The following CFAP47 variants were observed in gnomAD, a reference collection of about 807,000 sequenced individuals.
CFAP47 encodes cilia- and flagella-associated protein 47.
Under a neutral mutation model 148.1 loss-of-function variants are expected in CFAP47, and 29 were observed. The ratio of observed to expected loss-of-function variants is 0.20; its 90% CI spans 0.15 to 0.27. The LOEUF is 0.27. Among genes scored for constraint, CFAP47 ranks in the 10% least tolerant of loss-of-function variants. The pLI is 1.00. For missense variants in CFAP47, 1,872 were observed against 1,697.5 expected (o/e 1.10, Z -1.81); for synonymous variants, 664 against 577.3 (o/e 1.15, Z -2.15).
chrX:36,074,407 G>A (rs765149043), intron 29 of CFAP47, among the ~76,000 whole-genome samples: 7 of 111,689 alleles, frequency 6.3e-5, no homozygotes, highest in Non-Finnish European at 9.4e-5. Context: ...GTTGATTGCT[G>A]AGATATATAC....
chrX:36,053,216 C>T (rs1937528999), intron 26 of CFAP47, among the ~76,000 whole-genome samples: 1 of 111,634 alleles, frequency 9.0e-6, no homozygotes, highest in Non-Finnish European at 1.9e-5. Flanking sequence ...CAGGTAGCTA[C>T]AGGCAACTTT....
At chrX:36,372,323 T>C (rs1941979522) in intron 62 of CFAP47, among the ~76,000 whole-genome samples, 1 of 111,699 alleles carries the variant, frequency 9.0e-6, no homozygotes, top group Non-Finnish European at 1.9e-5. Flanking sequence ...TTTTTGATGA[T>C]TGATAAATTT....
chrX:35,924,467 C>T (rs189421512), intron 1 of CFAP47, among the ~76,000 whole-genome samples: 3 of 101,215 alleles, frequency 3.0e-5, no homozygotes, highest in African/African-American at 1.1e-4. Context: ...ATAGGTGCAC[C>T]TATATGTGTA....
intron 63 of CFAP47, among the ~76,000 whole-genome samples, chrX:36,383,694 G>T (rs1278258514): frequency 1.8e-5 from 2 of 111,059 alleles, no homozygotes; most frequent in Non-Finnish European, 3.8e-5. Context: ...GTATTGTTGT[G>T]CAATACATTC....
chrX:36,230,696 C>A (rs1166071113), intron 46 of CFAP47, among the ~76,000 whole-genome samples: 1 of 109,734 alleles, frequency 9.1e-6, no homozygotes. Context: ...ACGCCTATGT[C>A]CTGAATGGTA....
intron 57 of CFAP47, among the ~76,000 whole-genome samples, chrX:36,347,700 T>C (rs1385592329): frequency 9.0e-6 from 1 of 110,883 alleles, no homozygotes; most frequent in Non-Finnish European, 1.9e-5. Flanking sequence ...AAACACTGCA[T>C]GTTCTCACTC....
chrX:36,114,192 C>T (rs1247690271), intron 33 of CFAP47, among the ~76,000 whole-genome samples: 1 of 111,657 alleles, frequency 9.0e-6, no homozygotes, highest in Non-Finnish European at 1.9e-5. Context: ...TGTTTTTAAG[C>T]TCTATGACGT....
At chrX:36,027,558 GTA>G (rs980950252) in intron 22 of CFAP47, among the ~76,000 whole-genome samples, 4 of 110,831 alleles carry the variant, frequency 3.6e-5, no homozygotes, top group African/African-American at 1.3e-4. Flanking sequence ...TGGTGTGCGT[GTA>G]TGTGTGTGTG....
intron 32 of CFAP47, among the ~76,000 whole-genome samples, chrX:36,100,476 G>A (rs1355269837): frequency 8.9e-6 from 1 of 112,121 alleles, no homozygotes; most frequent in East Asian, 2.8e-4. Flanking sequence ...TTAACATAGC[G>A]TAAATTATAC....
chrX:36,188,575 T>A (rs782210107), intron 40 of CFAP47, 45 bp from the exon 41 acceptor site: 4 of 294,643 alleles, frequency 1.4e-5, no homozygotes, highest in Non-Finnish European at 2.4e-5. Context: ...TGTTTTTGAG[T>A]TTTGTTTGTG....
At chrX:36,049,226 G>A (rs1169680491) in intron 26 of CFAP47, among the ~76,000 whole-genome samples, 1 of 109,370 alleles carries the variant, frequency 9.1e-6, no homozygotes, top group Non-Finnish European at 1.9e-5. Context: ...GGAATCTAAG[G>A]CTCACAGTGT....
chrX:36,220,351 AG>A (rs782350771), intron 45 of CFAP47, among the ~76,000 whole-genome samples: 13 of 110,907 alleles, frequency 1.2e-4, no homozygotes, highest in Non-Finnish European at 2.5e-4. Flanking sequence ...TTCTGGCCCC[AG>A]GCATTTCAGA....
rs781970876 is a variant in CFAP47 at position 36,306,802 on chromosome X, T to C, written c.8113T>C (p.Leu2705=). Residue 2705 remains leucine (L), a synonymous_variant, in exon 55 of 64, where the codon TTA becomes CTA. Transcript: ENST00000378653. The part of the protein sequence containing the change: ...LIISPHSTTE[L]PVLFYPSALG... The stretch of plus-strand genomic sequence containing the variant: ...CATATCTCCTCACTCCACCACAGAA[T>C]TACCTGTTCTCTTTTATCCTTCTGC... 16 of 1,158,061 alleles carry C rather than the reference T, an allele frequency of 1.4e-5. No individual in the cohort carries two copies. The highest frequency in any genetic ancestry group is 1.6e-5 in the Non-Finnish European group (14 of 867,043).
rs6632514 is a variant in CFAP47, at chrX:36,203,867, C to T, written c.6664-1090C>T. 9.8e-3 allele frequency among the ~76,000 whole-genome samples: 1,091 copies of T among 111,774 alleles called. 41 individuals carry two copies. Among genetic ancestry groups the T allele is most frequent in the Admixed American group, 0.081 (849 of 10,482 alleles). The stretch of plus-strand genomic sequence containing the variant: ...CATTATCATTGTAATCATTGAGGAA[C>T]TAAAAATAACAAACCTAGGTAAGAG... On this transcript the variant is annotated intron_variant, in intron 44 of 63. Coordinates refer to ENST00000378653, the MANE Select transcript of CFAP47 (RefSeq NM_001304548.2).
chrX:35,970,550 A>G (rs1569219260), intron 10 of CFAP47, among the ~76,000 whole-genome samples: 1 of 110,518 alleles, frequency 9.0e-6, no homozygotes, highest in Non-Finnish European at 1.9e-5. Flanking sequence ...CTTACAACGG[A>G]TTTTTTTTAT....
chrX:36,230,232 G>A lies in CFAP47; in HGVS notation c.7014+1408G>A, dbSNP rs781889956. Among the ~76,000 whole-genome samples, 12 of 102,040 alleles carry A rather than the reference G, an allele frequency of 1.2e-4. No individual in the cohort carries two copies. The Admixed American group carries it at 1.2e-3, about 10-fold the overall frequency. 88.6% of individuals were successfully genotyped at this position (102,040 alleles called of 115,157 possible). ...ACTAGTTTACAGTCCCACCAACAGTGTAAAAGTGTTCCTATTTCTCCACAT... is the reference window on the plus strand; with the variant it reads ...ACTAGTTTACAGTCCCACCAACAGTATAAAAGTGTTCCTATTTCTCCACAT... On this transcript the variant is annotated intron_variant, in intron 46 of 63. Coordinates refer to ENST00000378653, the MANE Select transcript of CFAP47 (RefSeq NM_001304548.2).
intron 25 of CFAP47, among the ~76,000 whole-genome samples, chrX:36,045,521 G>C (rs768862730): frequency 6.7e-4 from 75 of 111,149 alleles, no homozygotes; most frequent in African/African-American, 2.4e-3. Context: ...GGTCCAAGGG[G>C]GCTCTTCAGT....
At chrX:36,298,890 T>C in intron 51 of CFAP47, 87 bp from the exon 52 acceptor site, 1 of 549,363 alleles carries the variant, frequency 1.8e-6, no homozygotes, top group Admixed American at 3.4e-5. Context: ...TTATATTATG[T>C]AATAATTTCC....
intron 22 of CFAP47, among the ~76,000 whole-genome samples, chrX:36,023,298 T>C (rs970434915): frequency 1.2e-4 from 14 of 112,010 alleles, no homozygotes; most frequent in African/African-American, 4.5e-4. Context: ...TTCATTACTT[T>C]CTCCCAAATG....
Sources: allele counts gnomAD v4.1 joint callset (sites outside exome capture counted in the v4.1 genomes callset), GRCh38; gene constraint gnomAD v4.1.1; transcripts MANE v1.5; gene names NCBI Gene and HGNC (gene_info 2026-07-23, HGNC 2026-07-21).